RABGAP1L: variants seen among roughly 807,000 people sequenced by gnomAD.
RABGAP1L encodes the protein RAB GTPase activating protein 1 like, also known as rab GTPase-activating protein 1-like.
Under a neutral mutation model 137.7 loss-of-function variants are expected in RABGAP1L, and 63 were observed. The observed-to-expected ratio is 0.46, with a 90% CI of 0.37 to 0.56. The LOEUF is 0.56. RABGAP1L is among the 20% of genes least tolerant of loss of function. The probability of loss-of-function intolerance (pLI) is 0.00; values close to 1 mark genes in which losing one functional copy is unlikely to be tolerated. For missense variants in RABGAP1L, 1,095 were observed against 1,244.0 expected, an observed-to-expected ratio of 0.88 and a Z score of 1.80; for synonymous variants, 431 against 433.7, an observed-to-expected ratio of 0.99 and a Z score of 0.08.
intron 3 of RABGAP1L, among the ~76,000 whole-genome samples, chr1:174,229,444 G>A (rs1366174423): frequency 1.3e-5 from 2 of 152,112 alleles, no homozygotes; most frequent in South Asian, 2.1e-4. Flanking sequence ...GGTTTACTTA[G>A]TCAAGGGTTT....
chr1:174,743,350 G>A (rs1683605331), intron 17 of RABGAP1L, among the ~76,000 whole-genome samples: 1 of 152,096 alleles, frequency 6.6e-6, no homozygotes, highest in South Asian at 2.1e-4. Flanking sequence ...CCTTTGTTGA[G>A]TAAGGAATCC....
chr1:174,737,955 G>A (rs956040236), intron 17 of RABGAP1L, among the ~76,000 whole-genome samples: 1 of 152,128 alleles, frequency 6.6e-6, no homozygotes, highest in African/African-American at 2.4e-5. Context: ...AGGTGCTAAG[G>A]CATTCATGAG....
At chr1:174,986,579 T>C (rs913731756) in intron 24 of RABGAP1L, among the ~76,000 whole-genome samples, 20 of 152,232 alleles carry the variant, frequency 1.3e-4, no homozygotes, top group Non-Finnish European at 1.5e-5. Flanking sequence ...GTCAAACTTA[T>C]TGCTCTATCT....
At chr1:174,962,207 A>ACC (rs1558286610) in intron 20 of RABGAP1L, among the ~76,000 whole-genome samples, 2 of 79,764 alleles carry the variant, frequency 2.5e-5, no homozygotes, top group Non-Finnish European at 4.6e-5. Flanking sequence ...CCCCCCCCCC[A>ACC]CACACACACA....
In RABGAP1L at chr1:174,449,101, A is replaced by G. The variant is rs760762734; in HGVS notation, c.1710+54956A>G. On this transcript the variant is annotated intron_variant, in intron 13 of 25. Transcript: ENST00000681986. The stretch of plus-strand genomic sequence containing the variant: ...GCGTTTTCCGGCTAGGCCTCCGAAG[A>G]CTGTCTGAGACAATGTGCACATCCT... 3 of 1,614,000 alleles carry G rather than the reference A, an allele frequency of 1.9e-6. No homozygotes were observed. In the East Asian group the frequency reaches 6.7e-5, roughly 36 times the overall value.
Position 174,923,610 on chromosome 1 carries a change from C to T in RABGAP1L, c.2341-33847C>T, listed in dbSNP as rs190938056. ...TAGAAGTCAGTTTGCTGACCAAGTA[C>T]GGAGGCTTATGCCTGTAATCCCAGC... On this transcript the variant is annotated intron_variant, in intron 19 of 25. Transcript: ENST00000681986. 5.4e-3 allele frequency among the ~76,000 whole-genome samples: 825 copies of T among 152,188 alleles called. 3 individuals carry two copies. The highest frequency in any genetic ancestry group is 9.3e-3 in the Non-Finnish European group (630 of 68,000).
chr1:174,380,660 C>G (rs907244914), intron 12 of RABGAP1L, among the ~76,000 whole-genome samples: 6 of 150,756 alleles, frequency 4.0e-5, no homozygotes, highest in Admixed American at 4.0e-4. Context: ...TTTATTGTGT[C>G]TATTTGATTC....
chr1:174,323,107 G>T (rs1167613134), intron 11 of RABGAP1L, among the ~76,000 whole-genome samples: 2 of 152,050 alleles, frequency 1.3e-5, no homozygotes, highest in Non-Finnish European at 2.9e-5. Flanking sequence ...CTCTAATTTA[G>T]TGAAAAACAG....
At chr1:174,276,434 T>C (rs1675010424) in intron 9 of RABGAP1L, among the ~76,000 whole-genome samples, 1 of 152,178 alleles carries the variant, frequency 6.6e-6, no homozygotes, top group African/African-American at 2.4e-5. Flanking sequence ...TGTGAGCCAC[T>C]GCACCTGGCC....
At chr1:174,457,477 C>CTTTTT (rs746968960) in intron 13 of RABGAP1L, among the ~76,000 whole-genome samples, 5 of 107,494 alleles carry the variant, frequency 4.7e-5, no homozygotes, top group East Asian at 2.5e-4. Flanking sequence ...CAGGCATCAT[C>CTTTTT]TTTTTTTTTT....
chr1:174,766,066 A>G (rs1622802), intron 18 of RABGAP1L, among the ~76,000 whole-genome samples: 94,965 of 152,034 alleles, frequency 0.62, 32,927 homozygotes, highest in East Asian at 0.93. Flanking sequence ...GTCCAATATA[A>G]CTAGTATCCT....
intron 15 of RABGAP1L, among the ~76,000 whole-genome samples, chr1:174,683,895 C>T (rs1238426691): frequency 6.6e-6 from 1 of 152,126 alleles, no homozygotes; most frequent in Non-Finnish European, 1.5e-5. Context: ...AGGACCTGGA[C>T]CATTAAGACC....
At chr1:174,615,777 C>A (rs1671779277) in intron 13 of RABGAP1L, among the ~76,000 whole-genome samples, 1 of 152,218 alleles carries the variant, frequency 6.6e-6, no homozygotes, top group African/African-American at 2.4e-5. Context: ...CAAGCCTGGG[C>A]AATGGTGGGC....
At chr1:174,275,768 A>G in intron 8 of RABGAP1L, 65 bp from the exon 9 acceptor site, 1 of 1,170,438 alleles carries the variant, frequency 8.5e-7, no homozygotes, top group East Asian at 2.4e-5. Flanking sequence ...TTAAAGTAAG[A>G]TGTAATTTAA....
intron 11 of RABGAP1L, chr1:174,367,026 T>A (rs575228954): frequency 1.3e-5 from 2 of 152,296 alleles, no homozygotes; most frequent in African/African-American, 4.8e-5. Context: ...GTTTCTGAAT[T>A]TCTGTGAAGA....
intron 8 of RABGAP1L, among the ~76,000 whole-genome samples, chr1:174,273,554 T>A (rs1160313457): frequency 6.6e-6 from 1 of 152,034 alleles, no homozygotes; most frequent in Non-Finnish European, 1.5e-5. Context: ...ACATCTTTTT[T>A]TTTTTTCTTG....
chr1:174,611,559 G>C (rs1671254203), intron 13 of RABGAP1L, among the ~76,000 whole-genome samples: 2 of 148,978 alleles, frequency 1.3e-5, no homozygotes, highest in Admixed American at 1.3e-4. Flanking sequence ...GGTTCCATAT[G>C]AACTTTAAAG....
intron 1 of RABGAP1L, among the ~76,000 whole-genome samples, chr1:174,204,949 T>G (rs936902829): frequency 5.9e-5 from 9 of 152,218 alleles, no homozygotes; most frequent in Admixed American, 6.5e-5. Context: ...CCTGTGGAAC[T>G]GTGAGTCAGT....
At chr1:174,339,374 C>A (rs565048894) in intron 11 of RABGAP1L, among the ~76,000 whole-genome samples, 1 of 151,926 alleles carries the variant, frequency 6.6e-6, no homozygotes, top group Admixed American at 6.6e-5. Flanking sequence ...TGGCAGGCAC[C>A]CAGTTTTCTC....
Sources: gnomAD v4.1 joint callset for allele counts (sites outside exome capture counted in the v4.1 genomes callset) on GRCh38, gnomAD v4.1.1 for gene constraint, MANE v1.5 for transcripts, NCBI Gene and HGNC (gene_info 2026-07-23, HGNC 2026-07-21) for gene names.